The following UBE3A variants were observed in gnomAD, a reference collection of about 807,000 sequenced individuals.
UBE3A encodes the protein ubiquitin-protein ligase E3A.
A neutral mutation model predicts 83.4 loss-of-function variants in UBE3A; 6 were observed. The ratio of observed to expected loss-of-function variants is 0.07; its 90% CI spans 0.04 to 0.14. The LOEUF is 0.14. Among genes scored for constraint, UBE3A ranks in the 10% least tolerant of loss-of-function variants. The pLI, the probability that UBE3A is intolerant of heterozygous loss-of-function variation, is 1.00. For synonymous variants in UBE3A, 337 were observed against 355.4 expected (o/e 0.95, Z 0.58); for missense variants, 456 against 1,036.1 (o/e 0.44, Z 7.69).
chr15:25,388,782 G>T (rs999572939), intron 4 of UBE3A, among the ~76,000 whole-genome samples: 10 of 152,088 alleles, frequency 6.6e-5, no homozygotes, highest in African/African-American at 2.4e-4. Context: ...CAGGATACAA[G>T]GTTCATATAA....
At chr15:25,415,414 C>T (rs973655475) in intron 1 of UBE3A, among the ~76,000 whole-genome samples, 1 of 152,180 alleles carries the variant, frequency 6.6e-6, no homozygotes, top group African/African-American at 2.4e-5. Flanking sequence ...CACCAGTTAC[C>T]AGATCTAGTC....
intron 4 of UBE3A, among the ~76,000 whole-genome samples, chr15:25,388,688 G>A (rs2083639921): frequency 6.6e-6 from 1 of 152,006 alleles, no homozygotes; most frequent in South Asian, 2.1e-4. Flanking sequence ...GACTATATGT[G>A]TAGAACATAG....
At chr15:25,393,418 C>T (rs1234066130) in intron 4 of UBE3A, among the ~76,000 whole-genome samples, 1 of 152,096 alleles carries the variant, frequency 6.6e-6, no homozygotes, top group African/African-American at 2.4e-5. Flanking sequence ...AGTTAAAAAA[C>T]AAAGAACTCG....
chr15:25,363,631 T>C (rs917603425), intron 6 of UBE3A, among the ~76,000 whole-genome samples: 1 of 152,186 alleles, frequency 6.6e-6, no homozygotes, highest in South Asian at 2.1e-4. Context: ...TCTTAACTAC[T>C]ATGCTTTACT....
At chr15:25,387,625 T>C (rs2152935660) in intron 4 of UBE3A, among the ~76,000 whole-genome samples, 1 of 151,674 alleles carries the variant, frequency 6.6e-6, no homozygotes, top group East Asian at 1.9e-4. Flanking sequence ...GTAATAAAAA[T>C]TAGAGCAGAA....
intron 6 of UBE3A, among the ~76,000 whole-genome samples, chr15:25,365,831 A>C (rs2152775431): frequency 6.6e-6 from 1 of 152,132 alleles, no homozygotes; most frequent in Non-Finnish European, 1.5e-5. Flanking sequence ...CTATTGCTTG[A>C]GATTTCCAGA....
rs187289211 is a variant in UBE3A at position 25,406,398 on chromosome 15, T to C, written c.21-896A>G. ...TTCTAAATATACTACTGCTCTCTCA[T>C]GTAGAAATATTTAAAATTCTAAGTC... On this transcript the variant is annotated intron_variant, in intron 3 of 12. Coordinates refer to ENST00000648336, the MANE Select transcript of UBE3A (RefSeq NM_130839.5). Among the ~76,000 whole-genome samples the C allele has an allele frequency of 7.2e-5, 11 of 152,316 alleles. No homozygotes were observed. In the East Asian group the frequency reaches 1.7e-3, roughly 24 times the overall value.
At chr15:25,374,500 A>C (rs1295166099) in intron 5 of UBE3A, 1 of 152,244 alleles carries the variant, frequency 6.6e-6, no homozygotes, top group East Asian at 1.9e-4. Flanking sequence ...CTATTTTCCC[A>C]TAGTGTGTGA....
At chr15:25,344,553 G>T (rs1037370971) in intron 11 of UBE3A, among the ~76,000 whole-genome samples, 2 of 152,228 alleles carry the variant, frequency 1.3e-5, no homozygotes, top group South Asian at 4.1e-4. Flanking sequence ...TAAGCAATTT[G>T]AATATCATTT....
chr15:25,398,167 C>CAAAAAAAAAAAAAAAAAAAAA (rs71127052), intron 4 of UBE3A, among the ~76,000 whole-genome samples: 1 of 99,210 alleles, frequency 1.0e-5, no homozygotes, highest in African/African-American at 5.4e-5. Context: ...GACTCTGTCT[C>CAAAAAAAAAAAAAAAAAAAAA]AAAAAAAAAA....
At chr15:25,377,401 T>G (rs151027998) in intron 4 of UBE3A, among the ~76,000 whole-genome samples, 31 of 152,274 alleles carry the variant, frequency 2.0e-4, no homozygotes, top group African/African-American at 6.7e-4. Flanking sequence ...TGCATAAACA[T>G]GACTTAAAGA....
intron 3 of UBE3A, chr15:25,407,294 A>C: frequency 9.6e-7 from 1 of 1,046,090 alleles, no homozygotes; most frequent in South Asian, 2.7e-5. Flanking sequence ...AGAAGTTTTC[A>C]AACACGTAGG....
chr15:25,352,553 A>T (rs938539463), intron 11 of UBE3A, among the ~76,000 whole-genome samples: 3 of 152,252 alleles, frequency 2.0e-5, no homozygotes, highest in Non-Finnish European at 4.4e-5. Flanking sequence ...AATGCTAATG[A>T]AGTGAGCACA....
intron 2 of UBE3A, among the ~76,000 whole-genome samples, chr15:25,411,597 ACAG>A (rs145204762): frequency 2.6e-5 from 4 of 152,188 alleles, no homozygotes; most frequent in East Asian, 1.9e-4. Flanking sequence ...CTCAAAAACA[ACAG>A]CAGCAGCAGC....
intron 4 of UBE3A, among the ~76,000 whole-genome samples, chr15:25,401,085 T>C (rs1283002594): frequency 6.6e-6 from 1 of 152,194 alleles, no homozygotes; most frequent in African/African-American, 2.4e-5. Context: ...GTTTTGGCCT[T>C]TGTTCTCCTA....
chr15:25,397,444 C>T (rs1596120810), intron 4 of UBE3A, among the ~76,000 whole-genome samples: 2 of 152,244 alleles, frequency 1.3e-5, no homozygotes, highest in East Asian at 3.9e-4. Context: ...TCCTCCTAAC[C>T]TCTTCCAGAA....
intron 1 of UBE3A, chr15:25,417,994 C>T (rs189938714): frequency 6.6e-6 from 1 of 151,938 alleles, no homozygotes; most frequent in African/African-American, 2.4e-5. Context: ...TTACACAAAT[C>T]TAGATTAGAT....
chr15:25,429,016 C>T (rs1455453110), intron 1 of UBE3A, among the ~76,000 whole-genome samples: 3 of 152,126 alleles, frequency 2.0e-5, no homozygotes, highest in African/African-American at 7.2e-5. Context: ...AAGTGCCATA[C>T]AGCAGTGAAA....
chr15:25,407,944 C>T (rs1360026339), intron 3 of UBE3A: 1 of 152,154 alleles, frequency 6.6e-6, no homozygotes, highest in East Asian at 1.9e-4. Context: ...ACTCTCAAAA[C>T]TATGACATAT....
Sources: gnomAD v4.1 joint callset for allele counts (sites outside exome capture counted in the v4.1 genomes callset) on GRCh38, gnomAD v4.1.1 for gene constraint, MANE v1.5 for transcripts, NCBI Gene and HGNC (gene_info 2026-07-23, HGNC 2026-07-21) for gene names.